PLEKHM2: variants seen among roughly 807,000 people sequenced by gnomAD.
PLEKHM2 encodes pleckstrin homology domain-containing family M member 2.
Under a neutral mutation model 116.3 loss-of-function variants are expected in PLEKHM2, and 77 were observed. That is an observed-to-expected ratio of 0.66 (90% CI 0.55 to 0.80). The LOEUF (loss-of-function observed/expected upper bound fraction) is 0.80. PLEKHM2 is among the 30% of genes least tolerant of loss of function. The pLI, the probability that PLEKHM2 is intolerant of heterozygous loss-of-function variation, is 0.00. For missense variants in PLEKHM2, 1,183 were observed against 1,354.9 expected, an observed-to-expected ratio of 0.87 and a Z score of 1.99; for synonymous variants, 562 against 571.0, an observed-to-expected ratio of 0.98 and a Z score of 0.22.
Position 15,728,123 on chromosome 1 carries a change from G to C in PLEKHM2, c.1805G>C (p.Arg602Pro), listed in dbSNP as rs933578223. The change falls in exon 10 of 20, where the codon CGA becomes CCA. Residue 602 changes from arginine (R) to proline (P), a missense_variant. Coordinates refer to ENST00000375799, the MANE Select transcript of PLEKHM2 (RefSeq NM_015164.4). The surrounding 1 kb of genome is among the most constrained non-coding windows in gnomAD (Gnocchi z 5.9). The part of the protein sequence containing the change: ...HLLLLMIHVF[R>P]ENEEQLFKMI... ...CTCCTGCTCATGATCCACGTGTTCC[G>C]AGAAAACGAAGAGCAGCTGTTCAAA... 6.2e-7 allele frequency: 1 copy of C among 1,611,174 alleles called. No individual in the cohort carries two copies. The highest frequency in any genetic ancestry group is 8.5e-7 in the Non-Finnish European group (1 of 1,178,716).
chr1:15,717,744 C>T, intron 3 of PLEKHM2, 149 bp from the exon 4 acceptor site: 2 of 604,260 alleles, frequency 3.3e-6, no homozygotes, highest in Admixed American at 5.6e-5. Flanking sequence ...ATAAAGCACT[C>T]AGGGGTTATG....
chr1:15,729,072 A>C lies in PLEKHM2; in HGVS notation c.1987-30A>C. 1 of 1,585,874 alleles carries C rather than the reference A, an allele frequency of 6.3e-7. No individual in the cohort carries two copies. The highest frequency in any genetic ancestry group is 8.6e-7 in the Non-Finnish European group (1 of 1,164,080). ...CTCCGCCAGGCAGCAGCTAAGCCCCAAGTGCATGTCACGGTGTGGTTTCTG... is the reference window on the plus strand; with the variant it reads ...CTCCGCCAGGCAGCAGCTAAGCCCCCAGTGCATGTCACGGTGTGGTTTCTG... On this transcript the variant is annotated intron_variant, in intron 12 of 19. Coordinates refer to ENST00000375799, the MANE Select transcript of PLEKHM2 (RefSeq NM_015164.4). The surrounding 1 kb of genome is among the most constrained non-coding windows in gnomAD (Gnocchi z 4.7).
intron 1 of PLEKHM2, among the ~76,000 whole-genome samples, chr1:15,710,991 A>G (rs1240227800): frequency 6.6e-6 from 1 of 152,072 alleles, no homozygotes; most frequent in East Asian, 2.0e-4. Flanking sequence ...CCTGGCCAAC[A>G]CGGTGAAACT....
Position 15,716,275 on chromosome 1 carries a change from T to C in PLEKHM2, c.99T>C (p.Pro33=). 6.2e-7 allele frequency: 1 copy of C among 1,606,568 alleles called. No individual in the cohort carries two copies. Among genetic ancestry groups the C allele is most frequent in the Non-Finnish European group, 8.5e-7 (1 of 1,176,338 alleles). The change falls in exon 2 of 20, where the codon CCT becomes CCC. Residue 33 remains proline (P), a synonymous_variant. Transcript: ENST00000375799. The part of the protein sequence containing the change: ...SYFAACEDEI[P]AIRNHDKVLQ... ...TTGCTGCATGTGAGGATGAGATCCC[T>C]GCCATCCGGAACCATGACAAGGTCC...
Position 15,691,327 on chromosome 1 carries a change from C to T in PLEKHM2, c.60+6709C>T, listed in dbSNP as rs573100689. On this transcript the variant is annotated intron_variant, in intron 1 of 19. Coordinates refer to ENST00000375799, the MANE Select transcript of PLEKHM2 (RefSeq NM_015164.4). ...GCTCAGGTGATCCTCCCACCTCGGC[C>T]TGCATAAGTGCTAAGATTACAGGCA... Among the ~76,000 whole-genome samples, 7 of 152,274 alleles carry T rather than the reference C, an allele frequency of 4.6e-5. No homozygotes were observed. In the East Asian group the frequency reaches 1.2e-3, roughly 25 times the overall value.
chr1:15,682,563 G>C (rs375698161), upstream of PLEKHM2, among the ~76,000 whole-genome samples: 10 of 151,438 alleles, frequency 6.6e-5, no homozygotes, highest in African/African-American at 1.9e-4. Context: ...AAGTTGCAGT[G>C]AGCAGAGATC....
rs779234842 is a variant in PLEKHM2, at chr1:15,727,373, A to T, written c.1301A>T (p.Asp434Val). 8 of 1,602,122 alleles carry T rather than the reference A, an allele frequency of 5.0e-6. No homozygotes were observed. Among genetic ancestry groups the T allele is most frequent in the Middle Eastern group, 1.6e-4 (1 of 6,066 alleles). ...STWCSRAEPPDQSFRTGSPGD... is the reference protein window; with the variant it reads ...STWCSRAEPPVQSFRTGSPGD... ...TGGTGCTCCCGTGCTGAGCCCCCAG[A>T]CCAGTCCTTTCGGACCGGCTCTCCC... The change falls in exon 9 of 20, where the codon GAC (aspartate) becomes GTC (valine). Residue 434 changes from aspartate to valine, a missense_variant. Coordinates refer to ENST00000375799, the MANE Select transcript of PLEKHM2 (RefSeq NM_015164.4). The surrounding 1 kb of genome is among the most constrained non-coding windows in gnomAD (Gnocchi z 7.5).
intron 1 of PLEKHM2, among the ~76,000 whole-genome samples, chr1:15,693,691 T>G (rs927031305): frequency 1.3e-5 from 2 of 152,204 alleles, no homozygotes; most frequent in Admixed American, 6.5e-5. Context: ...CTCATCCAGC[T>G]GGAGCCCAGT....
chr1:15,725,180 G>A (rs1012191441), intron 7 of PLEKHM2, 137 bp from the exon 8 acceptor site: 10 of 638,730 alleles, frequency 1.6e-5, no homozygotes, highest in South Asian at 5.6e-5. Flanking sequence ...GCTTCTACTC[G>A]AAATGGGGCC....
chr1:15,704,731 C>G (rs998245071), intron 1 of PLEKHM2, among the ~76,000 whole-genome samples: 1 of 152,222 alleles, frequency 6.6e-6, no homozygotes, highest in Non-Finnish European at 1.5e-5. Context: ...GTGCTTTCCT[C>G]ATGGTCCCAG....
chr1:15,686,375 C>A (rs1468894213), intron 1 of PLEKHM2, among the ~76,000 whole-genome samples: 1 of 152,176 alleles, frequency 6.6e-6, no homozygotes, highest in African/African-American at 2.4e-5. Context: ...AAATTAATAA[C>A]CCTGTAACCT....
In PLEKHM2 at chr1:15,724,384, A is replaced by G. The variant is rs147347315; in HGVS notation, c.713-933A>G. Among the ~76,000 whole-genome samples the G allele has an allele frequency of 4.6e-3, 696 of 152,094 alleles. 8 individuals are homozygous for G. Among genetic ancestry groups the G allele is most frequent in the African/African-American group, 0.015 (618 of 41,502 alleles). ...TGTAATCCTAGCTACTCGGGAGGCT[A>G]AGGCAGGAGAATCACTTGAACCCGG... On this transcript the variant is annotated intron_variant, in intron 7 of 19. Coordinates refer to ENST00000375799, the MANE Select transcript of PLEKHM2 (RefSeq NM_015164.4).
intron 1 of PLEKHM2, among the ~76,000 whole-genome samples, chr1:15,690,480 A>G (rs1349282239): frequency 6.6e-6 from 1 of 152,232 alleles, no homozygotes; most frequent in African/African-American, 2.4e-5. Flanking sequence ...GCTCAAAAGC[A>G]ACCAAATGTG....
chr1:15,689,914 G>A (rs749671524), intron 1 of PLEKHM2, among the ~76,000 whole-genome samples: 17 of 152,102 alleles, frequency 1.1e-4, no homozygotes, highest in East Asian at 1.9e-4. Flanking sequence ...GAGCCACTAC[G>A]CCTGGCTAAT....
chr1:15,725,192 C>T, intron 7 of PLEKHM2, 125 bp from the exon 8 acceptor site: 1 of 673,062 alleles, frequency 1.5e-6, no homozygotes, highest in South Asian at 1.8e-5. Flanking sequence ...AATGGGGCCA[C>T]CCCTGTCAGG....
At chr1:15,718,389 G>T in intron 4 of PLEKHM2, 149 bp from the exon 5 acceptor site, 1 of 639,370 alleles carries the variant, frequency 1.6e-6, no homozygotes, top group South Asian at 1.8e-5. Context: ...TCGCTGAGAG[G>T]GTGGTGGGCA....
chr1:15,732,873 C>T (rs2068166528), intron 19 of PLEKHM2, 145 bp downstream of exon 19: 4 of 616,352 alleles, frequency 6.5e-6, no homozygotes, highest in South Asian at 3.9e-5. Flanking sequence ...GCTCCTGCCT[C>T]AGCCCCGGGG....
In PLEKHM2 at chr1:15,692,301, G is replaced by T. The variant is rs188671250; in HGVS notation, c.60+7683G>T. The stretch of plus-strand genomic sequence containing the variant: ...TAAGGACCTGAGTCACCAGGACAAA[G>T]ATTTACATAAAATAGTATCTACACA... On this transcript the variant is annotated intron_variant, in intron 1 of 19. Transcript: ENST00000375799. Among the ~76,000 whole-genome samples, 10 of 152,270 alleles carry T rather than the reference G, an allele frequency of 6.6e-5. No individual in the cohort carries two copies. The East Asian group carries it at 1.9e-3, about 29-fold the overall frequency.
Position 15,687,083 on chromosome 1 carries a change from C to A in PLEKHM2, c.60+2465C>A, listed in dbSNP as rs138821606. On this transcript the variant is annotated intron_variant, in intron 1 of 19. Coordinates refer to ENST00000375799, the MANE Select transcript of PLEKHM2 (RefSeq NM_015164.4). ...GATTACAGGCATGAGCCACCGTGCC[C>A]GACTACTTTTTGTATTTTTTGTAGA... Among the ~76,000 whole-genome samples, 689 of 151,024 alleles carry A rather than the reference C, an allele frequency of 4.6e-3. 6 individuals carry two copies. The highest frequency in any genetic ancestry group is 0.016 in the African/African-American group (666 of 41,144).
Sources: gnomAD v4.1 joint callset for allele counts (sites outside exome capture counted in the v4.1 genomes callset) on GRCh38, gnomAD v4.1.1 for gene constraint, Gnocchi (gnomAD v3.1) non-coding constraint, MANE v1.5 for transcripts, NCBI Gene and HGNC (gene_info 2026-07-23, HGNC 2026-07-21) for gene names.